Variants in ERC2 observed in about 807,000 individuals in gnomAD.
The protein encoded by ERC2 is ELKS/RAB6-interacting/CAST family member 2.
Under a neutral mutation model 114.8 loss-of-function variants are expected in ERC2, and 42 were observed. The observed-to-expected ratio is 0.37, with a 90% CI of 0.29 to 0.47. The LOEUF (loss-of-function observed/expected upper bound fraction) is 0.47, where lower values mean the gene tolerates loss of function less well. Ranked by LOEUF, ERC2 falls within the 20% of genes least tolerant of loss-of-function variation. The pLI, the probability that ERC2 is intolerant of heterozygous loss-of-function variation, is 0.99. For missense variants in ERC2, 939 were observed against 1,150.7 expected (o/e 0.82, Z 2.66); for synonymous variants, 454 against 425.5 (o/e 1.07, Z -0.82).
At chr3:56,175,606 G>A (rs573597943) in intron 3 of ERC2, among the ~76,000 whole-genome samples, 6 of 152,230 alleles carry the variant, frequency 3.9e-5, no homozygotes, top group African/African-American at 1.4e-4. Context: ...AAATGAAGAA[G>A]ATGTTATGTG....
intron 3 of ERC2, among the ~76,000 whole-genome samples, chr3:56,217,112 T>C (rs1466677261): frequency 1.3e-5 from 2 of 152,160 alleles, no homozygotes; most frequent in Admixed American, 6.5e-5. Flanking sequence ...CCACTCCTAT[T>C]CAACATAGTG....
At chr3:55,672,810 C>T (rs1166363430) in intron 17 of ERC2, among the ~76,000 whole-genome samples, 1 of 152,164 alleles carries the variant, frequency 6.6e-6, no homozygotes, top group Non-Finnish European at 1.5e-5. Context: ...CCAGTCCCTG[C>T]CATGGAAATG....
intron 13 of ERC2, among the ~76,000 whole-genome samples, chr3:55,947,191 A>G (rs1228483879): frequency 1.3e-5 from 2 of 152,196 alleles, no homozygotes; most frequent in Non-Finnish European, 2.9e-5. Context: ...GCAGTGTTCA[A>G]CCAGAGCTTA....
intron 1 of ERC2, among the ~76,000 whole-genome samples, chr3:56,446,629 C>CTT: frequency 7.6e-6 from 1 of 132,086 alleles, no homozygotes; most frequent in African/African-American, 2.9e-5. Context: ...TTTTTTCTTT[C>CTT]TTTTTTTTTT....
intron 14 of ERC2, among the ~76,000 whole-genome samples, chr3:55,841,661 C>T (rs1021825552): frequency 6.6e-6 from 1 of 152,104 alleles, no homozygotes; most frequent in African/African-American, 2.4e-5. Flanking sequence ...AAGGCAAGTG[C>T]TATTATGGTT....
chr3:55,901,351 A>T (rs2064126217), intron 13 of ERC2, among the ~76,000 whole-genome samples: 1 of 152,188 alleles, frequency 6.6e-6, no homozygotes, highest in African/African-American at 2.4e-5. Context: ...TTAGAGTCTC[A>T]TAAGGTTGCT....
chr3:56,030,715 C>A (rs2074329425), intron 7 of ERC2, among the ~76,000 whole-genome samples: 1 of 152,172 alleles, frequency 6.6e-6, no homozygotes, highest in Admixed American at 6.5e-5. Context: ...AATCCTCTGA[C>A]AGAAACATCA....
chr3:56,076,498 T>C (rs2076983928), intron 7 of ERC2, among the ~76,000 whole-genome samples: 1 of 152,184 alleles, frequency 6.6e-6, no homozygotes, highest in South Asian at 2.1e-4. Context: ...AATTCAGGTA[T>C]GGGAACAGAA....
chr3:56,284,415 A>T (rs2150329427), intron 3 of ERC2, among the ~76,000 whole-genome samples: 1 of 152,360 alleles, frequency 6.6e-6, no homozygotes, highest in East Asian at 1.9e-4. Context: ...ACTTAATAGT[A>T]CTTAGAGCAA....
intron 15 of ERC2, among the ~76,000 whole-genome samples, chr3:55,707,368 G>C (rs860096): frequency 6.6e-6 from 1 of 151,978 alleles, no homozygotes; most frequent in African/African-American, 2.4e-5. Flanking sequence ...GAGCACAGAA[G>C]GTTGAGGCTG....
Position 55,511,223 on chromosome 3 carries a change from T to C in ERC2, c.*93A>G, listed in dbSNP as rs931363776. ...TGATGTGAGCCGCACTGCAATACAT[T>C]ATCAGAATATTGCTGCAGAGCTGCA... On this transcript the variant is annotated 3_prime_UTR_variant, in exon 18 of 18. Coordinates refer to ENST00000288221, the MANE Select transcript of ERC2 (RefSeq NM_015576.3). 2 of 152,598 alleles carry C rather than the reference T, an allele frequency of 1.3e-5. No individual in the cohort carries two copies. The highest frequency in any genetic ancestry group is 2.9e-5 in the Non-Finnish European group (2 of 68,030). 9.5% of individuals were successfully genotyped at this position (152,598 alleles called of 1,614,324 possible).
Position 55,816,626 on chromosome 3 carries a change from C to A in ERC2, c.2564+71763G>T, listed in dbSNP as rs574516969. 3.9e-5 allele frequency among the ~76,000 whole-genome samples: 6 copies of A among 152,266 alleles called. No homozygotes were observed. In the South Asian group the frequency reaches 1.2e-3, roughly 32 times the overall value. Reference sequence around the variant, plus strand: ...TATGCCAGATGCAATCTCATTTCCGCACATAATTCCCATTGTTTTAAGACA... The same window carrying A: ...TATGCCAGATGCAATCTCATTTCCGAACATAATTCCCATTGTTTTAAGACA... On this transcript the variant is annotated intron_variant, in intron 14 of 17. Transcript: ENST00000288221.
At chr3:56,085,914 T>C (rs751416693) in intron 6 of ERC2, among the ~76,000 whole-genome samples, 13 of 152,292 alleles carry the variant, frequency 8.5e-5, no homozygotes, top group African/African-American at 2.9e-4. Flanking sequence ...GGATGGTCTA[T>C]ATCTGGACTA....
chr3:56,153,111 G>A (rs1456355515), intron 4 of ERC2, among the ~76,000 whole-genome samples: 1 of 152,076 alleles, frequency 6.6e-6, no homozygotes, highest in Non-Finnish European at 1.5e-5. Context: ...TCTAGAACAT[G>A]TGTGCTATAG....
chr3:55,890,300 A>G (rs1479901717), intron 13 of ERC2, among the ~76,000 whole-genome samples: 1 of 152,164 alleles, frequency 6.6e-6, no homozygotes, highest in African/African-American at 2.4e-5. Context: ...CAGAATTATG[A>G]TCATTCCATA....
intron 7 of ERC2, among the ~76,000 whole-genome samples, chr3:56,026,724 A>G (rs886808963): frequency 7.9e-5 from 12 of 152,232 alleles, no homozygotes; most frequent in Admixed American, 2.6e-4. Flanking sequence ...ATCTAGAATA[A>G]TTATAGTAAA....
chr3:56,154,573 A>G (rs2081593701), intron 4 of ERC2, among the ~76,000 whole-genome samples: 1 of 152,128 alleles, frequency 6.6e-6, no homozygotes, highest in Admixed American at 6.6e-5. Context: ...CTTGCTTGAC[A>G]CTGTGTGATC....
intron 17 of ERC2, among the ~76,000 whole-genome samples, chr3:55,662,161 C>T (rs2061166005): frequency 6.6e-6 from 1 of 152,202 alleles, no homozygotes; most frequent in Non-Finnish European, 1.5e-5. Flanking sequence ...CAATTGGCAA[C>T]CAATCCTGTT....
intron 14 of ERC2, among the ~76,000 whole-genome samples, chr3:55,786,258 C>T (rs2069478434): frequency 5.3e-5 from 8 of 152,148 alleles, no homozygotes; most frequent in Admixed American, 3.3e-4. Flanking sequence ...CAAAGCATGG[C>T]TTAACTATAT....
Sources: gnomAD v4.1 joint callset for allele counts (sites outside exome capture counted in the v4.1 genomes callset) on GRCh38, gnomAD v4.1.1 for gene constraint, MANE v1.5 for transcripts, NCBI Gene and HGNC (gene_info 2026-07-23, HGNC 2026-07-21) for gene names.